IKBKB-DT: variants seen among roughly 807,000 people sequenced by gnomAD.
IKBKB-DT encodes IKBKB antisense RNA.
At chr8:42,258,580 T>C (rs113095394) in intron 3 of IKBKB-DT, among the ~76,000 whole-genome samples, 8,173 of 152,100 alleles carry the variant, frequency 0.054, 698 homozygotes, top group African/African-American at 0.18. Flanking sequence ...GCCATTCTCC[T>C]GCCTCAGCCT....
intron 1 of IKBKB-DT, among the ~76,000 whole-genome samples, chr8:42,266,611 T>C (rs1351031198): frequency 2.0e-5 from 3 of 152,192 alleles, no homozygotes; most frequent in Non-Finnish European, 4.4e-5. Flanking sequence ...TGAGACCTAC[T>C]GGGCTGCATT....
intron 3 of IKBKB-DT, among the ~76,000 whole-genome samples, chr8:42,247,535 G>A (rs1368273645): frequency 6.6e-6 from 1 of 152,166 alleles, no homozygotes; most frequent in Non-Finnish European, 1.5e-5. Flanking sequence ...GGGAAGACAT[G>A]ATTGGTTTTG....
intron 3 of IKBKB-DT, among the ~76,000 whole-genome samples, chr8:42,237,080 GT>G (rs56990936): frequency 4.7e-4 from 66 of 140,602 alleles, no homozygotes; most frequent in South Asian, 8.9e-4. Context: ...AGAAGGCTCA[GT>G]TTTTTTTTTT....
At chr8:42,263,174 G>A (rs1020537127) in intron 3 of IKBKB-DT, among the ~76,000 whole-genome samples, 2 of 151,608 alleles carry the variant, frequency 1.3e-5, no homozygotes, top group African/African-American at 2.4e-5. Flanking sequence ...ACTATGCCTG[G>A]CTAATTTTTT....
chr8:42,261,480 A>T (rs1372310645), intron 3 of IKBKB-DT, among the ~76,000 whole-genome samples: 1 of 152,188 alleles, frequency 6.6e-6, no homozygotes, highest in African/African-American at 2.4e-5. Context: ...GGGGCTCTAG[A>T]TTAACTGTCA....
chr8:42,240,506 T>A (rs1208818088), intron 3 of IKBKB-DT, among the ~76,000 whole-genome samples: 2 of 150,752 alleles, frequency 1.3e-5, no homozygotes, highest in African/African-American at 4.9e-5. Flanking sequence ...ACGCCTGTAG[T>A]CCCAGCTATT....
intron 3 of IKBKB-DT, among the ~76,000 whole-genome samples, chr8:42,237,679 C>T (rs910371803): frequency 1.3e-5 from 2 of 152,116 alleles, no homozygotes; most frequent in East Asian, 3.9e-4. Context: ...CCCCAGGCTA[C>T]AATGAGGGGG....
intron 3 of IKBKB-DT, among the ~76,000 whole-genome samples, chr8:42,255,146 T>A (rs922863340): frequency 6.7e-6 from 1 of 149,938 alleles, no homozygotes; most frequent in East Asian, 2.0e-4. Context: ...AAGTGAGGAG[T>A]GCCACTGCCC....
chr8:42,251,133 A>T (rs973380998), intron 3 of IKBKB-DT, among the ~76,000 whole-genome samples: 3 of 152,200 alleles, frequency 2.0e-5, no homozygotes, highest in Non-Finnish European at 4.4e-5. Context: ...GAAATAGATC[A>T]TCGGTGCCAC....
intron 3 of IKBKB-DT, among the ~76,000 whole-genome samples, chr8:42,235,381 T>C (rs1806906198): frequency 6.6e-6 from 1 of 152,008 alleles, no homozygotes; most frequent in Non-Finnish European, 1.5e-5. Flanking sequence ...ATTTTTTGTA[T>C]TTTTACTAGA....
At chr8:42,235,786 C>T (rs1022491898) in intron 3 of IKBKB-DT, among the ~76,000 whole-genome samples, 24 of 152,156 alleles carry the variant, frequency 1.6e-4, no homozygotes, top group Non-Finnish European at 3.5e-4. Context: ...ACTGCAATGC[C>T]ATGGTCTGAG....
At chr8:42,243,340 A>C (rs371049878) in intron 3 of IKBKB-DT, among the ~76,000 whole-genome samples, 1 of 152,236 alleles carries the variant, frequency 6.6e-6, no homozygotes, top group African/African-American at 2.4e-5. Flanking sequence ...GATGAAGAGG[A>C]GGTAATAGAC....
chr8:42,246,139 C>T (rs1390910901), intron 3 of IKBKB-DT, among the ~76,000 whole-genome samples: 1 of 152,192 alleles, frequency 6.6e-6, no homozygotes, highest in Non-Finnish European at 1.5e-5. Flanking sequence ...CAGGCTCAGG[C>T]AATCCTCCCG....
intron 3 of IKBKB-DT, among the ~76,000 whole-genome samples, chr8:42,234,158 A>G (rs915884969): frequency 6.6e-6 from 1 of 152,222 alleles, no homozygotes; most frequent in Non-Finnish European, 1.5e-5. Flanking sequence ...ACCTACGCCC[A>G]GGAATGAACA....
intron 3 of IKBKB-DT, among the ~76,000 whole-genome samples, chr8:42,257,963 G>A (rs1807229624): frequency 6.7e-6 from 1 of 150,034 alleles, no homozygotes. Context: ...TCTTTTAACA[G>A]AGAAGACTGA....
intron 3 of IKBKB-DT, among the ~76,000 whole-genome samples, chr8:42,248,133 C>T (rs1021538439): frequency 1.3e-5 from 2 of 151,954 alleles, no homozygotes; most frequent in South Asian, 4.1e-4. Context: ...TCTCCTTCCA[C>T]CAGTAAGTTT....
chr8:42,250,093 T>C (rs1271583054), intron 3 of IKBKB-DT, among the ~76,000 whole-genome samples: 4 of 151,918 alleles, frequency 2.6e-5, no homozygotes, highest in Non-Finnish European at 5.9e-5. Flanking sequence ...GTTTGTTTGT[T>C]TTTATTACTC....
At chr8:42,265,301 G>C (rs1479664971) in intron 2 of IKBKB-DT, among the ~76,000 whole-genome samples, 2 of 152,208 alleles carry the variant, frequency 1.3e-5, no homozygotes, top group Admixed American at 1.3e-4. Flanking sequence ...CCGGGCAAAA[G>C]GGTCATTTTT....
At chr8:42,246,266 G>A (rs558638407) in intron 3 of IKBKB-DT, among the ~76,000 whole-genome samples, 57 of 152,078 alleles carry the variant, frequency 3.7e-4, no homozygotes, top group Non-Finnish European at 2.4e-4. Context: ...GAGCTCAAGC[G>A]ATCCACCCCA....
Sources: allele counts gnomAD v4.1 joint callset (sites outside exome capture counted in the v4.1 genomes callset), GRCh38; gene constraint gnomAD v4.1.1; transcripts MANE v1.5; gene names NCBI Gene and HGNC (gene_info 2026-07-23, HGNC 2026-07-21).